The following TTC7A variants were observed in gnomAD, a reference collection of about 807,000 sequenced individuals.
TTC7A encodes the protein tetratricopeptide repeat protein 7A.
In TTC7A, 110 loss-of-function variants were observed where a neutral mutation model predicts 103.7. The ratio of observed to expected loss-of-function variants is 1.06; its 90% CI spans 0.91 to 1.24. The LOEUF (loss-of-function observed/expected upper bound fraction) is 1.24. TTC7A is among the 50% of genes most tolerant of loss of function. The pLI is 0.00. For synonymous variants in TTC7A, 521 were observed against 467.9 expected (o/e 1.11, Z -1.47); for missense variants, 1,340 against 1,116.3 (o/e 1.20, Z -2.86).
At chr2:47,041,080 C>T (rs1430396711) in intron 15 of TTC7A, among the ~76,000 whole-genome samples, 1 of 152,176 alleles carries the variant, frequency 6.6e-6, no homozygotes, top group Non-Finnish European at 1.5e-5. Flanking sequence ...GATGGAGGCC[C>T]TCCACCCCCA....
chr2:46,974,993 C>T lies in TTC7A; in HGVS notation c.538C>T (p.Pro180Ser). The change falls in exon 4 of 20, where the codon CCC becomes TCC. Residue 180 changes from proline to serine, a missense_variant. By Grantham distance (74) the Pro-to-Ser change is moderately conservative. Transcript: ENST00000319190. ...VIKGLSLERL[P>S]NSIASRFRLT... ...CGCAGGCCTCTCTCTGGAACGCCTA[C>T]CCAACTCCATCGCCTCCCGCTTCCG... is the stretch of plus-strand genomic sequence containing the variant. 6.2e-7 allele frequency: 1 copy of T among 1,613,960 alleles called. No homozygotes were observed. Among genetic ancestry groups the T allele is most frequent in the Non-Finnish European group, 8.5e-7 (1 of 1,179,902 alleles).
chr2:46,916,123 G>C, upstream of TTC7A: 1 of 985,566 alleles, frequency 1.0e-6, no homozygotes, highest in South Asian at 4.7e-5. Flanking sequence ...GGATGGGGCG[G>C]ACCCCAAAGC....
intron 8 of TTC7A, among the ~76,000 whole-genome samples, chr2:46,996,114 C>G (rs1284228086): frequency 6.6e-6 from 1 of 152,210 alleles, no homozygotes; most frequent in Non-Finnish European, 1.5e-5. Flanking sequence ...TGCCCAGGGC[C>G]AAGCACTTTG....
chr2:46,927,101 T>G (rs1489505035), intron 2 of TTC7A, among the ~76,000 whole-genome samples: 1 of 150,690 alleles, frequency 6.6e-6, no homozygotes, highest in East Asian at 2.0e-4. Context: ...AGGATAAGAG[T>G]CACAGAGAAT....
At chr2:47,043,061 C>G (rs1255373816) in intron 15 of TTC7A, among the ~76,000 whole-genome samples, 1 of 152,210 alleles carries the variant, frequency 6.6e-6, no homozygotes. Flanking sequence ...TGACGGCATG[C>G]CAGGGCTCCG....
rs1674135212 is a variant in TTC7A, at chr2:46,978,815, G to A, written c.672G>A (p.Arg224=). 1 of 1,613,832 alleles carries A rather than the reference G, an allele frequency of 6.2e-7. No individual in the cohort carries two copies. The highest frequency in any genetic ancestry group is 1.1e-5 in the South Asian group (1 of 91,076). The change falls in exon 5 of 20, where the codon AGG becomes AGA. Residue 224 remains arginine, a synonymous_variant. Transcript: ENST00000319190. ...LEKTTNNSTS[R]HLKGCHPLDY... ...AGACCACAAATAACAGCACGTCGAGGCATCTGAAAGGCTGTCACCCGCTTG... is the reference window on the plus strand; with the variant it reads ...AGACCACAAATAACAGCACGTCGAGACATCTGAAAGGCTGTCACCCGCTTG...
chr2:46,998,494 G>C (rs1317003655), intron 8 of TTC7A, among the ~76,000 whole-genome samples: 1 of 152,148 alleles, frequency 6.6e-6, no homozygotes, highest in Admixed American at 6.5e-5. Flanking sequence ...TGAACCCCAA[G>C]GCTCCATGTA....
rs763466675 is a variant in TTC7A at position 46,978,781 on chromosome 2, T to C, written c.649-11T>C. The stretch of plus-strand genomic sequence containing the variant: ...TTGAGACAATGGCTCTCTCTCTGTT[T>C]CCCTTCCCAGACCACAAATAACAGC... On this transcript the variant is annotated splice_polypyrimidine_tract_variant and intron_variant, in intron 4 of 19. Coordinates refer to ENST00000319190, the MANE Select transcript of TTC7A (RefSeq NM_020458.4). The C allele has an allele frequency of 5.6e-6, 9 of 1,611,746 alleles. 1 individual carries two copies. Among genetic ancestry groups the C allele is most frequent in the Middle Eastern group, 1.6e-4 (1 of 6,078 alleles).
At chr2:46,949,142 G>T (rs1302412556) in intron 1 of TTC7A, among the ~76,000 whole-genome samples, 1 of 152,208 alleles carries the variant, frequency 6.6e-6, no homozygotes, top group Non-Finnish European at 1.5e-5. Context: ...CCATGCTCGA[G>T]CCACCTCTGC....
chr2:47,054,296 C>T (rs966674667), intron 18 of TTC7A: 19 of 390,420 alleles, frequency 4.9e-5, no homozygotes, highest in African/African-American at 8.7e-5. Flanking sequence ...ACTGGGACAG[C>T]GACTCTTCTG....
intron 8 of TTC7A, among the ~76,000 whole-genome samples, chr2:47,004,621 C>G (rs1288494078): frequency 6.6e-6 from 1 of 152,002 alleles, no homozygotes; most frequent in African/African-American, 2.4e-5. Flanking sequence ...GAGGCTCAGA[C>G]AGAGGGAGGG....
chr2:47,035,249 C>T (rs754842289), intron 15 of TTC7A: 1 of 152,204 alleles, frequency 6.6e-6, no homozygotes, highest in African/African-American at 2.4e-5. Flanking sequence ...CATACCAACA[C>T]TCCAGTGAGG....
intron 6 of TTC7A, 155 bp from the exon 7 acceptor site, chr2:46,994,202 A>C (rs1675914098): frequency 2.4e-6 from 2 of 822,114 alleles, no homozygotes; most frequent in Non-Finnish European, 3.8e-6. Flanking sequence ...TGAAGGAGCA[A>C]GGGGGCTCCT....
In TTC7A at chr2:47,049,932, C is replaced by G. The variant is rs1402363257; in HGVS notation, c.1920-17C>G. ...GCCCTCTACCTTACCGGACCCTGGC[C>G]CTCTTTTGCCTTCCAGAGGCCTAGA... On this transcript the variant is annotated splice_polypyrimidine_tract_variant and intron_variant, in intron 16 of 19. Coordinates refer to ENST00000319190, the MANE Select transcript of TTC7A (RefSeq NM_020458.4). 1 of 1,609,316 alleles carries G rather than the reference C, an allele frequency of 6.2e-7. No homozygotes were observed. Among genetic ancestry groups the G allele is most frequent in the South Asian group, 1.1e-5 (1 of 90,896 alleles).
At chr2:47,020,717 A>G (rs377360997) in intron 11 of TTC7A, among the ~76,000 whole-genome samples, 1 of 152,330 alleles carries the variant, frequency 6.6e-6, no homozygotes, top group South Asian at 2.1e-4. Context: ...CAGTTTGCAC[A>G]TAGCTCACCC....
chr2:46,945,920 T>A (rs1310059846), intron 1 of TTC7A, among the ~76,000 whole-genome samples: 1 of 152,214 alleles, frequency 6.6e-6, no homozygotes, highest in Non-Finnish European at 1.5e-5. Context: ...TGTGCCCGTT[T>A]GCCCCAGCGG....
upstream of TTC7A, among the ~76,000 whole-genome samples, chr2:46,939,010 CAAAAA>C (rs1190579295): frequency 1.3e-5 from 1 of 76,984 alleles, no homozygotes; most frequent in Admixed American, 1.5e-4. Context: ...GACTCTGTCT[CAAAAA>C]AAAAAAAAAA....
chr2:46,965,676 C>T lies in TTC7A; in HGVS notation c.517+8669C>T, dbSNP rs530320000. The stretch of plus-strand genomic sequence containing the variant: ...TCCTGGCTTCAAATGATTCTCCTGT[C>T]TCAGCCTCCAGAATAGCTGGAATTA... On this transcript the variant is annotated intron_variant, in intron 3 of 19. Transcript: ENST00000319190. 2.0e-5 allele frequency among the ~76,000 whole-genome samples: 3 copies of T among 150,682 alleles called. No homozygotes were observed. The South Asian group carries it at 6.3e-4, about 31-fold the overall frequency.
chr2:46,995,730 A>G (rs1210313202), intron 8 of TTC7A, among the ~76,000 whole-genome samples: 2 of 152,236 alleles, frequency 1.3e-5, no homozygotes, highest in Non-Finnish European at 2.9e-5. Context: ...GAGTTCATTT[A>G]TTCACGCAAC....
Sources: gnomAD v4.1 joint callset for allele counts (sites outside exome capture counted in the v4.1 genomes callset) on GRCh38, gnomAD v4.1.1 for gene constraint, MANE v1.5 for transcripts, NCBI Gene and HGNC (gene_info 2026-07-23, HGNC 2026-07-21) for gene names.